PFKFB3: variants seen among roughly 807,000 people sequenced by gnomAD.
PFKFB3 encodes the protein 6-phosphofructo-2-kinase/fructose-2,6-bisphosphatase 3.
A neutral mutation model predicts 68.0 loss-of-function variants in PFKFB3; 33 were observed. The observed-to-expected ratio is 0.49, with a 90% confidence interval of 0.37 to 0.65. The LOEUF is 0.65. PFKFB3 is among the 30% of genes least tolerant of loss of function. The pLI is 0.00. For synonymous variants in PFKFB3, 315 were observed against 288.2 expected (o/e 1.09, Z -0.94); for missense variants, 586 against 712.2 (o/e 0.82, Z 2.02).
At chr10:6,151,111 G>C (rs145243266) in intron 1 of PFKFB3, among the ~76,000 whole-genome samples, 65 of 152,258 alleles carry the variant, frequency 4.3e-4, no homozygotes, top group African/African-American at 1.4e-3. Context: ...GCAGGGAGAC[G>C]GACACAGGGA....
intron 1 of PFKFB3, among the ~76,000 whole-genome samples, chr10:6,160,419 T>C (rs1481076824): frequency 6.6e-6 from 1 of 152,168 alleles, no homozygotes; most frequent in Non-Finnish European, 1.5e-5. Flanking sequence ...TTTTGACCTG[T>C]TACAAGATCA....
the PFKFB3 span, among the ~76,000 whole-genome samples, chr10:6,295,050 T>C: frequency 6.6e-6 from 1 of 151,764 alleles, no homozygotes; most frequent in Non-Finnish European, 1.5e-5. Context: ...GGAAATGACA[T>C]AGATTGATCT....
intron 14 of PFKFB3, among the ~76,000 whole-genome samples, chr10:6,230,266 T>C (rs1293428216): frequency 1.3e-5 from 2 of 152,132 alleles, no homozygotes; most frequent in African/African-American, 4.8e-5. Flanking sequence ...TGACCCCACA[T>C]CTAGGATTGT....
intron 6 of PFKFB3, among the ~76,000 whole-genome samples, chr10:6,217,461 T>C (rs1252159060): frequency 6.6e-5 from 10 of 152,200 alleles, no homozygotes; most frequent in Non-Finnish European, 1.5e-4. Flanking sequence ...TTAGTTTCTG[T>C]TGGTGGCAGG....
At chr10:6,180,704 G>T (rs1320088326) in intron 1 of PFKFB3, among the ~76,000 whole-genome samples, 1 of 152,136 alleles carries the variant, frequency 6.6e-6, no homozygotes, top group Admixed American at 6.5e-5. Context: ...GCCTCAAGCA[G>T]TCCTCTCACC....
intron 14 of PFKFB3, among the ~76,000 whole-genome samples, chr10:6,232,248 G>A (rs11257453): frequency 0.041 from 6,289 of 151,670 alleles, 169 homozygotes; most frequent in Middle Eastern, 0.099. Context: ...GTTTTTTTGC[G>A]GGGGGTGGGT....
the PFKFB3 span, among the ~76,000 whole-genome samples, chr10:6,311,270 A>G: frequency 6.6e-6 from 1 of 152,054 alleles, no homozygotes; most frequent in Non-Finnish European, 1.5e-5. Context: ...TTGATTTCCA[A>G]TTTCCCATGC....
At chr10:6,239,172 C>T (rs1483657489), downstream of PFKFB3, among the ~76,000 whole-genome samples, 4 of 152,126 alleles carry the variant, frequency 2.6e-5, no homozygotes, top group Admixed American at 6.5e-5. Context: ...GAATGAAACA[C>T]GCCTGACAGT....
intron 14 of PFKFB3, among the ~76,000 whole-genome samples, chr10:6,243,595 G>A (rs1464071255): frequency 1.3e-5 from 2 of 152,192 alleles, no homozygotes; most frequent in Non-Finnish European, 2.9e-5. Context: ...TCCTTCTGGG[G>A]CCTGTTCTCT....
chr10:6,246,505 A>G (rs1846264232), intron 14 of PFKFB3, among the ~76,000 whole-genome samples: 2 of 151,608 alleles, frequency 1.3e-5, no homozygotes, highest in South Asian at 4.2e-4. Context: ...ACGCCTGGCT[A>G]ATTTTTAAAA....
intron 14 of PFKFB3, among the ~76,000 whole-genome samples, chr10:6,251,497 A>G (rs923124092): frequency 6.6e-6 from 1 of 152,168 alleles, no homozygotes; most frequent in East Asian, 1.9e-4. Flanking sequence ...AACCTTGTAC[A>G]TTTCAGTTGG....
chr10:6,145,945 G>T (rs1841376173), intron 1 of PFKFB3, among the ~76,000 whole-genome samples: 1 of 152,234 alleles, frequency 6.6e-6, no homozygotes, highest in Non-Finnish European at 1.5e-5. Context: ...TCAGCTCAAA[G>T]ACCCGGGAGA....
At chr10:6,238,773 T>C (rs1846080228), downstream of PFKFB3, among the ~76,000 whole-genome samples, 1 of 152,278 alleles carries the variant, frequency 6.6e-6, no homozygotes, top group South Asian at 2.1e-4. Context: ...TATGTGTCCA[T>C]GTGTTCTCAT....
At chr10:6,283,185 G>A in the PFKFB3 span, among the ~76,000 whole-genome samples, 3 of 152,106 alleles carry the variant, frequency 2.0e-5, no homozygotes, top group Non-Finnish European at 1.5e-5. Flanking sequence ...CTGGGCTGGT[G>A]TCAAACTCCT....
rs1284762515 is a variant in PFKFB3 at position 6,229,522 on chromosome 10, C to A, written c.1515+3157C>A. 6.6e-6 allele frequency among the ~76,000 whole-genome samples: 1 copy of A among 152,184 alleles called. No individual in the cohort carries two copies. Among genetic ancestry groups the A allele is most frequent in the Non-Finnish European group, 1.5e-5 (1 of 68,032 alleles). ...GACCCTCGTGTACCCCCACAGCCACCCCCTTGCAGCTGCTTCCCACAGCCA... is the reference window on the plus strand; with the variant it reads ...GACCCTCGTGTACCCCCACAGCCACACCCTTGCAGCTGCTTCCCACAGCCA... On this transcript the variant is annotated intron_variant, in intron 14 of 14. Transcript: ENST00000379775. This position sits in a 1 kb window ranked among gnomAD's most constrained non-coding sequence, Gnocchi z 4.3.
intron 1 of PFKFB3, among the ~76,000 whole-genome samples, chr10:6,177,424 C>CTTTCCTT (rs1842530448): frequency 3.0e-5 from 1 of 33,554 alleles, no homozygotes; most frequent in African/African-American, 9.3e-5. Context: ...TCTCTTTCTT[C>CTTTCCTT]CTTTCTTTTC....
At chr10:6,202,868 G>A, upstream of PFKFB3, 4 of 1,045,418 alleles carry the variant, frequency 3.8e-6, no homozygotes, top group Non-Finnish European at 4.6e-6. Flanking sequence ...CCCGCCCCGA[G>A]GCTGACGTAC....
chr10:6,145,565 C>T (rs1183237846), intron 1 of PFKFB3, among the ~76,000 whole-genome samples: 3 of 152,172 alleles, frequency 2.0e-5, no homozygotes, highest in African/African-American at 7.2e-5. Context: ...CTCGGGGGCA[C>T]GGAGAGGGGC....
intron 1 of PFKFB3, among the ~76,000 whole-genome samples, chr10:6,206,085 G>GGTCTC (rs1457240746): frequency 2.7e-5 from 4 of 150,638 alleles, no homozygotes; most frequent in Non-Finnish European, 4.4e-5. Context: ...AGTGAACAAA[G>GGTCTC]GTCTCTGGTT....
Sources: gnomAD v4.1 joint callset for allele counts (sites outside exome capture counted in the v4.1 genomes callset) on GRCh38, gnomAD v4.1.1 for gene constraint, Gnocchi (gnomAD v3.1) non-coding constraint, MANE v1.5 for transcripts, NCBI Gene and HGNC (gene_info 2026-07-23, HGNC 2026-07-21) for gene names.